LIPC: variants seen among roughly 807,000 people sequenced by gnomAD.
LIPC encodes the protein lipase C, hepatic type, also known as hepatic triacylglycerol lipase.
In LIPC, 44 loss-of-function variants were observed where a neutral mutation model predicts 50.7. The ratio of observed to expected loss-of-function variants is 0.87; its 90% CI spans 0.68 to 1.11. The LOEUF (loss-of-function observed/expected upper bound fraction) is 1.11. Ranked by LOEUF, LIPC falls within the 50% of genes most tolerant of loss-of-function variation. The probability of loss-of-function intolerance (pLI) is 0.00; values close to 1 mark genes in which losing one functional copy is unlikely to be tolerated. For synonymous variants in LIPC, 271 were observed against 256.4 expected, an observed-to-expected ratio of 1.06 and a Z score of -0.54; for missense variants, 697 against 648.2, an observed-to-expected ratio of 1.08 and a Z score of -0.82.
At chr15:58,555,687 A>G (rs1216066299) in intron 6 of LIPC, among the ~76,000 whole-genome samples, 1 of 152,182 alleles carries the variant, frequency 6.6e-6, no homozygotes, top group Non-Finnish European at 1.5e-5. Context: ...ACTCCTTACA[A>G]CAGGGTGGGC....
chr15:58,513,155 G>A (rs1892384840), intron 1 of LIPC, among the ~76,000 whole-genome samples: 1 of 152,098 alleles, frequency 6.6e-6, no homozygotes, highest in Admixed American at 6.5e-5. Flanking sequence ...GGAATCAAGG[G>A]TTCATTTAAT....
intron 1 of LIPC, among the ~76,000 whole-genome samples, chr15:58,449,091 G>A (rs1444941123): frequency 6.6e-6 from 1 of 152,166 alleles, no homozygotes; most frequent in East Asian, 1.9e-4. Context: ...TGGGAGCCCA[G>A]GGGAGGAGGG....
At chr15:58,474,737 C>G (rs1890933342) in intron 1 of LIPC, among the ~76,000 whole-genome samples, 1 of 152,142 alleles carries the variant, frequency 6.6e-6, no homozygotes, top group African/African-American at 2.4e-5. Context: ...GGCCTCTCTG[C>G]CCAGGGTGAG....
At chr15:58,495,281 C>A (rs1398787754) in intron 1 of LIPC, among the ~76,000 whole-genome samples, 14 of 152,244 alleles carry the variant, frequency 9.2e-5, no homozygotes, top group Non-Finnish European at 1.8e-4. Context: ...CCATTATTCA[C>A]TGAGCACCTC....
chr15:58,494,753 A>AT (rs1461690072), intron 1 of LIPC: 4 of 456,194 alleles, frequency 8.8e-6, no homozygotes, highest in Admixed American at 4.7e-5. Flanking sequence ...GTTAAAACTG[A>AT]TTTATAGTTA....
At chr15:58,514,547 G>C (rs1595911600) in intron 1 of LIPC, among the ~76,000 whole-genome samples, 3 of 152,316 alleles carry the variant, frequency 2.0e-5, no homozygotes, top group African/African-American at 7.2e-5. Flanking sequence ...ATGCAGGCCA[G>C]GTGCAGTGGC....
intron 1 of LIPC, among the ~76,000 whole-genome samples, chr15:58,450,287 T>C (rs1208219863): frequency 6.6e-6 from 1 of 152,198 alleles, no homozygotes; most frequent in African/African-American, 2.4e-5. Flanking sequence ...AAACACAGAT[T>C]GTGGCCCCCA....
intron 8 of LIPC, 96 bp from the exon 9 acceptor site, chr15:58,568,620 C>G: frequency 1.3e-6 from 1 of 769,858 alleles, no homozygotes; most frequent in Non-Finnish European, 2.3e-6. Context: ...CATCACATGC[C>G]TTACACAAAT....
chr15:58,501,231 C>T (rs1482461911), intron 1 of LIPC, among the ~76,000 whole-genome samples: 24 of 152,094 alleles, frequency 1.6e-4, no homozygotes, highest in African/African-American at 5.8e-4. Flanking sequence ...TCCTAACAGG[C>T]CCCCTCGCCT....
chr15:58,442,154 C>A (rs1483215789), intron 1 of LIPC, among the ~76,000 whole-genome samples: 1 of 152,152 alleles, frequency 6.6e-6, no homozygotes, highest in Non-Finnish European at 1.5e-5. Flanking sequence ...TAATAGTGTC[C>A]CTTCCACACT....
chr15:58,538,314 C>T lies in LIPC; in HGVS notation c.89-19C>T, dbSNP rs1893205556. 2.5e-6 allele frequency: 4 copies of T among 1,613,628 alleles called. No individual in the cohort carries two copies. The highest frequency in any genetic ancestry group is 2.5e-6 in the Non-Finnish European group (3 of 1,179,548). On this transcript the variant is annotated intron_variant, in intron 1 of 8. Coordinates refer to ENST00000299022, the MANE Select transcript of LIPC (RefSeq NM_000236.3). Reference sequence around the variant, plus strand: ...AAGCAGATGCCAGGCTAAGCACCGTCCCCAATCTTATATTGCAGAGCCATT... The same window carrying T: ...AAGCAGATGCCAGGCTAAGCACCGTTCCCAATCTTATATTGCAGAGCCATT...
intron 1 of LIPC, 131 bp downstream of exon 1, chr15:58,432,251 C>T (rs1893148953): frequency 4.0e-6 from 3 of 743,146 alleles, no homozygotes; most frequent in East Asian, 2.6e-5. Flanking sequence ...GTTCTATACA[C>T]GACCTCACAG....
At chr15:58,538,225 C>T (rs1893200886) in intron 1 of LIPC, 108 bp from the exon 2 acceptor site, 2 of 1,068,626 alleles carry the variant, frequency 1.9e-6, no homozygotes, top group South Asian at 1.3e-5. Context: ...TCCAGCATCT[C>T]CCAGTAACCT....
At chr15:58,566,401 A>G (rs1223473610) in intron 8 of LIPC, 4 of 985,228 alleles carry the variant, frequency 4.1e-6, no homozygotes, top group East Asian at 1.1e-4. Context: ...GCCTCAAACA[A>G]TAACTTCACT....
In LIPC at chr15:58,565,691, A is replaced by G. The variant is rs41294817; in HGVS notation, c.1388+1968A>G. 1,573 of 1,004,332 alleles carry G rather than the reference A, an allele frequency of 1.6e-3. 17 individuals carry two copies. In the African/African-American group the frequency reaches 0.025, roughly 16 times the overall value. 62.2% of individuals were successfully genotyped at this position (1,004,332 alleles called of 1,614,324 possible). A position where few individuals can be genotyped will look rare whatever the true frequency, so the allele number is the denominator to read the frequency against. ...CATTTGTTGGGGGTGTGCTGTTTCC[A>G]ACAGTTCCTTCTTCCATTAGTTTTG... On this transcript the variant is annotated intron_variant, in intron 8 of 8. Coordinates refer to ENST00000299022, the MANE Select transcript of LIPC (RefSeq NM_000236.3).
chr15:58,526,185 G>A (rs554294426), intron 1 of LIPC, among the ~76,000 whole-genome samples: 10 of 152,330 alleles, frequency 6.6e-5, no homozygotes, highest in East Asian at 3.9e-4. Flanking sequence ...GCACCCAGGA[G>A]TCTGCATCTC....
Position 58,542,613 on chromosome 15 carries a change from G to A in LIPC, c.536G>A (p.Ser179Asn), listed in dbSNP as rs369742319. The A allele has an allele frequency of 6.2e-7, 1 of 1,613,728 alleles. No individual in the cohort carries two copies. The highest frequency in any genetic ancestry group is 8.5e-7 in the Non-Finnish European group (1 of 1,179,696). The change falls in exon 4 of 9, where the codon AGT (serine) becomes AAT (asparagine). Residue 179 changes from serine to asparagine, a missense_variant. Ser to Asn is a conservative substitution (Grantham distance 46, BLOSUM62 1). Coordinates refer to ENST00000299022, the MANE Select transcript of LIPC (RefSeq NM_000236.3). ...GCACACGTGTCAGGATTTGCCGGCA[G>A]TTCCATCGGTGGAACGCACAAGATT... is the stretch of plus-strand genomic sequence containing the variant. ...LGAHVSGFAG[S>N]SIGGTHKIGR...
intron 6 of LIPC, 152 bp downstream of exon 6, chr15:58,548,724 C>T: frequency 9.6e-7 from 1 of 1,043,150 alleles, no homozygotes; most frequent in Non-Finnish European, 1.4e-6. Context: ...GCAACGTTGA[C>T]ACAGCCTTTC....
At chr15:58,475,959 C>T (rs1890981542) in intron 1 of LIPC, among the ~76,000 whole-genome samples, 1 of 152,220 alleles carries the variant, frequency 6.6e-6, no homozygotes, top group Non-Finnish European at 1.5e-5. Context: ...GTGCCTGACA[C>T]AGTATAAGCA....
Sources: allele counts gnomAD v4.1 joint callset (sites outside exome capture counted in the v4.1 genomes callset), GRCh38; gene constraint gnomAD v4.1.1; transcripts MANE v1.5; gene names NCBI Gene and HGNC (gene_info 2026-07-23, HGNC 2026-07-21).